The following APOO variants were observed in gnomAD, a reference collection of about 807,000 sequenced individuals.
APOO encodes apolipoprotein O.
In APOO, 11 loss-of-function variants were observed where a neutral mutation model predicts 23.1. The ratio of observed to expected loss-of-function variants is 0.48; its 90% confidence interval spans 0.30 to 0.79. The LOEUF (loss-of-function observed/expected upper bound fraction) is 0.79. Among genes scored for constraint, APOO ranks in the 30% least tolerant of loss-of-function variants. The probability of loss-of-function intolerance (pLI) is 0.07; values close to 1 mark genes in which losing one functional copy is unlikely to be tolerated. For synonymous variants in APOO, 59 were observed against 54.8 expected (o/e 1.08, Z -0.34); for missense variants, 160 against 142.7 (o/e 1.12, Z -0.62).
rs186985948 is a variant in APOO, at chrX:23,895,874, T to A, written c.9+11820A>T. On this transcript the variant is annotated intron_variant, in intron 1 of 8. Coordinates refer to ENST00000379226, the MANE Select transcript of APOO (RefSeq NM_024122.5). ...AGAAGAAAAGAAAATGGCATTTTTT[T>A]TAAAAAAAAAAAAGAGGAAGGGGAC... Among the ~76,000 whole-genome samples the A allele has an allele frequency of 3.0e-3, 322 of 106,423 alleles. 5 individuals carry two copies. The highest frequency in any genetic ancestry group is 0.029 in the East Asian group (102 of 3,486). The allele number at this position is 106,423 out of a possible 115,157, so 92.4% of individuals were successfully genotyped here.
rs925284263 is a variant in APOO, at chrX:23,859,240, C to A, written c.389-507G>T. 5.4e-5 allele frequency among the ~76,000 whole-genome samples: 6 copies of A among 111,695 alleles called. No individual in the cohort carries two copies. The Admixed American group carries it at 5.8e-4, about 11-fold the overall frequency. On this transcript the variant is annotated intron_variant, in intron 5 of 8. Transcript: ENST00000379226. Reference sequence around the variant, plus strand: ...TGCACTGCTTTATTGAGATAAAATTCATATTCACCCATTTAAAGTACAGTT... The same window carrying A: ...TGCACTGCTTTATTGAGATAAAATTAATATTCACCCATTTAAAGTACAGTT...
intron 1 of APOO, among the ~76,000 whole-genome samples, chrX:23,891,312 C>T (rs767305011): frequency 2.7e-5 from 3 of 111,060 alleles, no homozygotes; most frequent in South Asian, 3.8e-4. Flanking sequence ...CTACAATCTC[C>T]GCCTCCCGGG....
chrX:23,858,585 A>T, intron 6 of APOO, 57 bp downstream of exon 6: 1 of 1,082,203 alleles, frequency 9.2e-7, no homozygotes, highest in Non-Finnish European at 1.3e-6. Context: ...TAAGCATCAG[A>T]TTCATACACA....
intron 4 of APOO, among the ~76,000 whole-genome samples, chrX:23,871,214 T>C (rs1386455114): frequency 2.2e-5 from 2 of 92,807 alleles, no homozygotes; most frequent in Non-Finnish European, 4.2e-5. Context: ...AAAAAAAAAA[T>C]TAGCCAGGTG....
chrX:23,896,481 C>T (rs1316261133), intron 1 of APOO, among the ~76,000 whole-genome samples: 1 of 111,412 alleles, frequency 9.0e-6, no homozygotes, highest in Non-Finnish European at 1.9e-5. Context: ...ATGTTTTGAT[C>T]AGTGATAGAA....
At chrX:23,862,544 AG>A (rs1925106005) in intron 5 of APOO, among the ~76,000 whole-genome samples, 1 of 106,844 alleles carries the variant, frequency 9.4e-6, no homozygotes, top group South Asian at 4.1e-4. Context: ...GGGAGGCTGA[AG>A]AAGGAAGACT....
At chrX:23,859,479 T>C (rs1479145209) in intron 5 of APOO, among the ~76,000 whole-genome samples, 1 of 109,755 alleles carries the variant, frequency 9.1e-6, no homozygotes, top group Non-Finnish European at 1.9e-5. Flanking sequence ...GTTTTGCTCT[T>C]GTCACCCAGG....
intron 8 of APOO, among the ~76,000 whole-genome samples, chrX:23,834,389 C>A: frequency 1.1e-5 from 1 of 89,503 alleles, no homozygotes; most frequent in East Asian, 3.4e-4. Flanking sequence ...GAGCAAAACT[C>A]TGTCTCAAAA....
chrX:23,859,676 C>T (rs1245797434), intron 5 of APOO, among the ~76,000 whole-genome samples: 2 of 111,255 alleles, frequency 1.8e-5, no homozygotes, highest in Non-Finnish European at 3.8e-5. Context: ...CTCCTGACCT[C>T]AGGTGATCCA....
chrX:23,868,512 GGTAAA>G, intron 5 of APOO, 76 bp downstream of exon 5: 1 of 810,876 alleles, frequency 1.2e-6, no homozygotes, highest in Non-Finnish European at 1.8e-6. Context: ...TCTGAAACCT[GGTAAA>G]TGAAGGGAAA....
chrX:23,905,320 G>A (rs1927307027), intron 1 of APOO, among the ~76,000 whole-genome samples: 1 of 109,872 alleles, frequency 9.1e-6, no homozygotes, highest in Admixed American at 9.8e-5. Flanking sequence ...AACCCAGGAG[G>A]CGGAGGCTGC....
intron 3 of APOO, among the ~76,000 whole-genome samples, chrX:23,877,956 C>T (rs1488377140): frequency 8.9e-6 from 1 of 111,764 alleles, no homozygotes; most frequent in Non-Finnish European, 1.9e-5. Context: ...ACGTTGGTTA[C>T]TGATGTTAAA....
intron 1 of APOO, among the ~76,000 whole-genome samples, chrX:23,881,779 T>A (rs7891060): frequency 0.48 from 43,835 of 91,689 alleles, 11,175 homozygotes; most frequent in African/African-American, 0.86. Flanking sequence ...TCTACTAAAA[T>A]TACAAAAAAA....
chrX:23,878,798 G>T, intron 3 of APOO, 117 bp downstream of exon 3: 3 of 942,408 alleles, frequency 3.2e-6, no homozygotes, highest in Non-Finnish European at 4.3e-6. Context: ...CCCAGCCTCT[G>T]TCAACCATCT....
intron 5 of APOO, among the ~76,000 whole-genome samples, chrX:23,861,395 C>A (rs1184616968): frequency 9.1e-6 from 1 of 109,344 alleles, no homozygotes; most frequent in Admixed American, 1.0e-4. Flanking sequence ...TGCAAGCAGC[C>A]CAAGGCCTCA....
intron 5 of APOO, among the ~76,000 whole-genome samples, chrX:23,866,382 G>T (rs1173566036): frequency 3.6e-5 from 4 of 112,383 alleles, no homozygotes; most frequent in Non-Finnish European, 7.5e-5. Context: ...TTCTGCATGA[G>T]ATGGGAGGAG....
intron 5 of APOO, among the ~76,000 whole-genome samples, chrX:23,865,557 T>C (rs1187015787): frequency 2.8e-5 from 3 of 106,345 alleles, no homozygotes; most frequent in Non-Finnish European, 5.8e-5. Flanking sequence ...GAGGCTGAGA[T>C]GGCGCCACTG....
intron 7 of APOO, among the ~76,000 whole-genome samples, chrX:23,850,135 G>A (rs1016417862): frequency 2.7e-5 from 3 of 111,997 alleles, no homozygotes; most frequent in African/African-American, 9.7e-5. Flanking sequence ...AATGGTTCAG[G>A]AAAATAAAAT....
chrX:23,903,597 C>T (rs1045797760), intron 1 of APOO, among the ~76,000 whole-genome samples: 2 of 111,650 alleles, frequency 1.8e-5, no homozygotes, highest in Non-Finnish European at 3.8e-5. Context: ...AATCAGTATA[C>T]TCTGATGGTA....
Sources: allele counts gnomAD v4.1 joint callset (sites outside exome capture counted in the v4.1 genomes callset), GRCh38; gene constraint gnomAD v4.1.1; transcripts MANE v1.5; gene names NCBI Gene and HGNC (gene_info 2026-07-23, HGNC 2026-07-21).